Variants in TSHR observed in about 807,000 individuals in gnomAD.
TSHR encodes thyrotropin receptor.
Under a neutral mutation model 64.1 loss-of-function variants are expected in TSHR, and 51 were observed. The ratio of observed to expected loss-of-function variants is 0.80; its 90% CI spans 0.64 to 1.01. The LOEUF is 1.01. Among genes scored for constraint, TSHR ranks in the 50% least tolerant of loss-of-function variants. The pLI is 0.00. For missense variants in TSHR, 877 were observed against 942.8 expected (o/e 0.93, Z 0.91); for synonymous variants, 361 against 361.9 (o/e 1.00, Z 0.03).
chr14:81,135,691 G>A (rs1366927728), intron 8 of TSHR, among the ~76,000 whole-genome samples: 1 of 152,174 alleles, frequency 6.6e-6, no homozygotes, highest in African/African-American at 2.4e-5. Context: ...CTGGAAAGTG[G>A]TAGATGGAAG....
chr14:81,111,580 C>T (rs1367021043), intron 8 of TSHR, among the ~76,000 whole-genome samples: 1 of 152,176 alleles, frequency 6.6e-6, no homozygotes, highest in Non-Finnish European at 1.5e-5. Flanking sequence ...CTACTTTACG[C>T]CTCTGATCAA....
At chr14:81,100,800 C>A (rs2140010181) in intron 7 of TSHR, among the ~76,000 whole-genome samples, 1 of 152,320 alleles carries the variant, frequency 6.6e-6, no homozygotes, top group South Asian at 2.1e-4. Flanking sequence ...TGGGCACACA[C>A]CCTCCCCTCA....
intron 1 of TSHR, among the ~76,000 whole-genome samples, chr14:80,996,745 A>AT (rs1208057756): frequency 6.6e-6 from 1 of 152,076 alleles, no homozygotes; most frequent in African/African-American, 2.4e-5. Flanking sequence ...TCCTCCTTAA[A>AT]TTTTAAAGAA....
intron 2 of TSHR, 44 bp from the exon 3 acceptor site, chr14:81,068,209 AC>A (rs746731684): frequency 1.1e-5 from 18 of 1,585,302 alleles, no homozygotes; most frequent in African/African-American, 1.3e-5. Context: ...GAAGTTTACA[AC>A]CTTACTAACT....
chr14:81,093,970 G>A (rs1383421358), intron 6 of TSHR, among the ~76,000 whole-genome samples: 2 of 151,318 alleles, frequency 1.3e-5, no homozygotes, highest in East Asian at 3.9e-4. Flanking sequence ...CATATCTCAA[G>A]CACCCCCCTC....
intron 1 of TSHR, among the ~76,000 whole-genome samples, chr14:81,028,838 C>T (rs1052139226): frequency 2.6e-5 from 4 of 151,898 alleles, no homozygotes; most frequent in Admixed American, 2.0e-4. Context: ...AGACATTTTA[C>T]AATTTTTAAT....
At position 80,999,142 on chromosome 14, in the gene TSHR, C is replaced by A. The variant is rs139061416; in HGVS notation, c.170+43292C>A. ...GGATATCGTGTACTTTAACCTCACA[C>A]CCAGTGTAAGAATCTCCTATACCTG... On this transcript the variant is annotated intron_variant, in intron 1 of 9. Coordinates refer to ENST00000298171, the MANE Select transcript of TSHR (RefSeq NM_000369.5). 1.4e-3 allele frequency among the ~76,000 whole-genome samples: 209 copies of A among 151,730 alleles called. 1 individual carries two copies. The highest frequency in any genetic ancestry group is 4.6e-3 in the African/African-American group (190 of 41,044).
intron 1 of TSHR, among the ~76,000 whole-genome samples, chr14:81,009,479 CTT>C (rs1477341507): frequency 6.6e-6 from 1 of 152,170 alleles, no homozygotes; most frequent in African/African-American, 2.4e-5. Flanking sequence ...TGGAGTTCCT[CTT>C]TGTTTCATGT....
intron 8 of TSHR, among the ~76,000 whole-genome samples, chr14:81,128,658 C>T (rs1408778048): frequency 6.6e-6 from 1 of 152,216 alleles, no homozygotes; most frequent in South Asian, 2.1e-4. Context: ...TGGTTCTACC[C>T]CAGCCACACT....
chr14:81,070,308 A>G (rs1886963588), intron 3 of TSHR, among the ~76,000 whole-genome samples: 1 of 152,142 alleles, frequency 6.6e-6, no homozygotes, highest in African/African-American at 2.4e-5. Context: ...TAAAATTGCT[A>G]AAAACCAAAG....
chr14:80,975,499 G>T (rs965964581), intron 1 of TSHR, among the ~76,000 whole-genome samples: 1 of 151,834 alleles, frequency 6.6e-6, no homozygotes, highest in African/African-American at 2.4e-5. Context: ...TCACATTTGC[G>T]TCCACCTACC....
intron 2 of TSHR, among the ~76,000 whole-genome samples, chr14:81,064,007 T>A (rs1262252349): frequency 2.0e-5 from 3 of 152,046 alleles, no homozygotes; most frequent in Non-Finnish European, 4.4e-5. Flanking sequence ...AAAATAAAAC[T>A]TAGGTCTAAG....
intron 3 of TSHR, chr14:81,078,699 A>G (rs949411168): frequency 8.5e-5 from 13 of 152,300 alleles, no homozygotes; most frequent in African/African-American, 2.9e-4. Context: ...AAGACGTCCA[A>G]CTGCACTGAT....
intron 1 of TSHR, chr14:80,993,552 A>C (rs1888854568): frequency 6.6e-6 from 1 of 152,214 alleles, no homozygotes. Flanking sequence ...ATTTATTTAT[A>C]AATTCTATAC....
At position 81,103,852 on chromosome 14, in the gene TSHR, T is replaced by C. The variant is rs1889733603; in HGVS notation, c.615-4523T>C. 4 of 985,480 alleles carry C rather than the reference T, an allele frequency of 4.1e-6. No individual in the cohort carries two copies. Among genetic ancestry groups the C allele is most frequent in the Non-Finnish European group, 4.8e-6 (4 of 829,942 alleles). 61.0% of individuals were successfully genotyped at this position (985,480 alleles called of 1,614,324 possible). A position where few individuals can be genotyped will look rare whatever the true frequency, so the allele number is the denominator to read the frequency against. On this transcript the variant is annotated intron_variant, in intron 7 of 9. Coordinates refer to ENST00000298171, the MANE Select transcript of TSHR (RefSeq NM_000369.5). The surrounding 1 kb of genome is among the most constrained non-coding windows in gnomAD (Gnocchi z 4.1). The stretch of plus-strand genomic sequence containing the variant: ...TTTCCTATTGTCAAACTCTAGTAAC[T>C]AGCTACTATCTGACAGTAAACATTT...
At chr14:80,982,893 G>A in intron 1 of TSHR, 1 of 510,384 alleles carries the variant, frequency 2.0e-6, no homozygotes, top group Non-Finnish European at 3.6e-6. Flanking sequence ...GGATTAGGGA[G>A]GTAAATGGGA....
intron 1 of TSHR, among the ~76,000 whole-genome samples, chr14:80,990,011 TC>T (rs1227064658): frequency 6.6e-6 from 1 of 152,238 alleles, no homozygotes; most frequent in African/African-American, 2.4e-5. Flanking sequence ...TAAATTTTAT[TC>T]AGCTTTAATT....
At chr14:81,015,318 G>A (rs1363611054) in intron 1 of TSHR, among the ~76,000 whole-genome samples, 1 of 152,112 alleles carries the variant, frequency 6.6e-6, no homozygotes, top group Non-Finnish European at 1.5e-5. Context: ...TTTGTGGCAA[G>A]GGGGAACAAA....
intron 3 of TSHR, among the ~76,000 whole-genome samples, chr14:81,077,923 T>C (rs1334304830): frequency 2.0e-5 from 3 of 151,652 alleles, no homozygotes; most frequent in East Asian, 1.9e-4. Context: ...AATAATATTA[T>C]GTTACTCCAC....
Sources: gnomAD v4.1 joint callset for allele counts (sites outside exome capture counted in the v4.1 genomes callset) on GRCh38, gnomAD v4.1.1 for gene constraint, Gnocchi (gnomAD v3.1) non-coding constraint, MANE v1.5 for transcripts, NCBI Gene and HGNC (gene_info 2026-07-23, HGNC 2026-07-21) for gene names.